The following DNM3 variants were observed in gnomAD, a reference collection of about 807,000 sequenced individuals.
DNM3 encodes dynamin-3.
A neutral mutation model predicts 101.6 loss-of-function variants in DNM3; 47 were observed. That is an observed-to-expected ratio of 0.46 (90% CI 0.37 to 0.59). DNM3 has a LOEUF of 0.59. Ranked by LOEUF, DNM3 falls within the 20% of genes least tolerant of loss-of-function variation. The pLI, the probability that DNM3 is intolerant of heterozygous loss-of-function variation, is 0.00. For synonymous variants in DNM3, 385 were observed against 387.9 expected (o/e 0.99, Z 0.09); for missense variants, 849 against 1,085.7 (o/e 0.78, Z 3.06).
chr1:172,341,670 G>C (rs1427744179), intron 17 of DNM3, among the ~76,000 whole-genome samples: 1 of 152,052 alleles, frequency 6.6e-6, no homozygotes, highest in Non-Finnish European at 1.5e-5. Context: ...AGGATAACTG[G>C]CTAGCTATAT....
At chr1:172,394,278 G>A (rs1396479453) in intron 20 of DNM3, 1 of 152,192 alleles carries the variant, frequency 6.6e-6, no homozygotes, top group Non-Finnish European at 1.5e-5. Flanking sequence ...GTCTGTTTAG[G>A]CGAGGCCCAG....
At chr1:172,036,816 G>T (rs1458403375) in intron 6 of DNM3, among the ~76,000 whole-genome samples, 1 of 151,896 alleles carries the variant, frequency 6.6e-6, no homozygotes, top group African/African-American at 2.4e-5. Context: ...AAACTAAAGA[G>T]CTTCTGCACA....
At chr1:171,935,544 C>T (rs2041342689) in intron 2 of DNM3, among the ~76,000 whole-genome samples, 1 of 152,084 alleles carries the variant, frequency 6.6e-6, no homozygotes, top group Admixed American at 6.6e-5. Context: ...ACTGCAGTGT[C>T]ATGAGCAAGG....
intron 20 of DNM3, among the ~76,000 whole-genome samples, chr1:172,399,399 T>A (rs2070287138): frequency 6.6e-6 from 1 of 152,192 alleles, no homozygotes; most frequent in Non-Finnish European, 1.5e-5. Context: ...ACATCTAGTC[T>A]TGCCCAGAAA....
intron 14 of DNM3, among the ~76,000 whole-genome samples, chr1:172,168,065 T>G (rs1032997827): frequency 6.6e-6 from 1 of 152,058 alleles, no homozygotes; most frequent in African/African-American, 2.4e-5. Context: ...CATTCATGGA[T>G]GTTATGCTAT....
At chr1:172,226,160 C>T (rs944240118) in intron 14 of DNM3, among the ~76,000 whole-genome samples, 1 of 152,084 alleles carries the variant, frequency 6.6e-6, no homozygotes, top group Admixed American at 6.5e-5. Flanking sequence ...GCTGGGTCAA[C>T]AGATATCTTC....
rs138687033 is a variant in DNM3 at position 172,123,801 on chromosome 1, T to G, written c.1546-7374T>G. 3.6e-3 allele frequency among the ~76,000 whole-genome samples: 542 copies of G among 152,316 alleles called. 2 individuals carry two copies. Among genetic ancestry groups the G allele is most frequent in the Non-Finnish European group, 4.8e-3 (326 of 68,036 alleles). ...CGGTATTGCTCCATCTTCTCCCACC[T>G]TTTATTCCATTGAGTTTAATCCTTA... On this transcript the variant is annotated intron_variant, in intron 13 of 20. Coordinates refer to ENST00000627582, the MANE Select transcript of DNM3 (RefSeq NM_015569.5).
In DNM3 at chr1:172,361,732, T is replaced by C. The variant is rs143918071; in HGVS notation, c.1894-17286T>C. Among the ~76,000 whole-genome samples the C allele has an allele frequency of 5.3e-4, 81 of 152,096 alleles. 1 individual carries two copies. The highest frequency in any genetic ancestry group is 1.9e-3 in the African/African-American group (77 of 41,536). On this transcript the variant is annotated intron_variant, in intron 17 of 20. Transcript: ENST00000627582. ...CTGAGCTCCCTGTTTGGCATCTCAG[T>C]GTTGTCTGTGACATCATTCTGCAAT... is the stretch of plus-strand genomic sequence containing the variant.
At chr1:172,069,134 T>C (rs557590093) in intron 11 of DNM3, among the ~76,000 whole-genome samples, 2 of 152,374 alleles carry the variant, frequency 1.3e-5, no homozygotes. Flanking sequence ...TTCAGAAGAA[T>C]GAGATGCAAA....
chr1:171,913,650 G>T (rs2039483425), intron 1 of DNM3, among the ~76,000 whole-genome samples: 1 of 152,162 alleles, frequency 6.6e-6, no homozygotes. Flanking sequence ...GGAGCAGGGG[G>T]TGGGCAGTAT....
chr1:172,356,343 A>G (rs1365306068), intron 17 of DNM3, among the ~76,000 whole-genome samples: 1 of 152,130 alleles, frequency 6.6e-6, no homozygotes, highest in African/African-American at 2.4e-5. Context: ...TCTCACAAAT[A>G]CTAAACAGCA....
At chr1:172,077,906 A>T (rs1203848261) in intron 11 of DNM3, among the ~76,000 whole-genome samples, 3 of 152,132 alleles carry the variant, frequency 2.0e-5, no homozygotes, top group Non-Finnish European at 2.9e-5. Context: ...GGGGTGTTAA[A>T]GTCTCCCAGT....
chr1:172,030,497 A>T (rs2125791605), intron 4 of DNM3, among the ~76,000 whole-genome samples: 1 of 151,848 alleles, frequency 6.6e-6, no homozygotes, highest in East Asian at 1.9e-4. Flanking sequence ...ATGGGCAAAA[A>T]CTTCATGACT....
intron 15 of DNM3, among the ~76,000 whole-genome samples, chr1:172,301,661 TTATC>T (rs1228571203): frequency 1.3e-5 from 2 of 152,188 alleles, no homozygotes; most frequent in Non-Finnish European, 2.9e-5. Flanking sequence ...AATTATTTAA[TTATC>T]TAATATTAGG....
chr1:171,940,441 CATCTTGGCTAAT>C (rs1290881664), intron 2 of DNM3, among the ~76,000 whole-genome samples: 1 of 152,160 alleles, frequency 6.6e-6, no homozygotes, highest in African/African-American at 2.4e-5. Flanking sequence ...CTGTTACTCT[CATCTTGGCTAAT>C]ATTTAAAGAG....
chr1:172,244,508 G>GA (rs1233989511), intron 14 of DNM3, among the ~76,000 whole-genome samples: 1 of 150,994 alleles, frequency 6.6e-6, no homozygotes, highest in Non-Finnish European at 1.5e-5. Context: ...AAATTTACAA[G>GA]AAAAAAACAA....
intron 15 of DNM3, among the ~76,000 whole-genome samples, chr1:172,254,335 A>G (rs771269326): frequency 8.5e-5 from 13 of 152,224 alleles, no homozygotes; most frequent in Admixed American, 3.3e-4. Flanking sequence ...TCTGTCTAAC[A>G]TGAATGGATA....
chr1:172,197,323 G>C (rs2059990744), intron 14 of DNM3, among the ~76,000 whole-genome samples: 1 of 152,080 alleles, frequency 6.6e-6, no homozygotes. Context: ...TTGTAATATA[G>C]TTTGAAGTTG....
At chr1:171,961,161 TTA>T (rs2043185906) in intron 2 of DNM3, among the ~76,000 whole-genome samples, 1 of 152,042 alleles carries the variant, frequency 6.6e-6, no homozygotes, top group Admixed American at 6.6e-5. Flanking sequence ...AGTTGGGATT[TTA>T]TAAGATGGAT....
Sources: allele counts gnomAD v4.1 joint callset (sites outside exome capture counted in the v4.1 genomes callset), GRCh38; gene constraint gnomAD v4.1.1; transcripts MANE v1.5; gene names NCBI Gene and HGNC (gene_info 2026-07-23, HGNC 2026-07-21).